The following FAT3 variants were observed in gnomAD, a reference collection of about 807,000 sequenced individuals.
FAT3 encodes FAT atypical cadherin 3.
FAT3 carries 95 observed loss-of-function variants against 310.2 expected under a neutral mutation model. The ratio of observed to expected loss-of-function variants is 0.31; its 90% CI spans 0.26 to 0.36. The LOEUF (loss-of-function observed/expected upper bound fraction) is 0.36. Ranked by LOEUF, FAT3 falls within the 10% of genes least tolerant of loss-of-function variation. FAT3 has a pLI of 1.00. For synonymous variants in FAT3, 2,314 were observed against 2,192.9 expected (o/e 1.06, Z -1.54); for missense variants, 5,408 against 5,715.6 (o/e 0.95, Z 1.74).
chr11:92,370,811 C>G (rs954981930), intron 2 of FAT3, among the ~76,000 whole-genome samples: 2 of 152,118 alleles, frequency 1.3e-5, no homozygotes, highest in Admixed American at 6.6e-5. Context: ...TATGCTAACT[C>G]AAAATTCTGT....
At chr11:92,489,195 C>T (rs1248075347) in intron 2 of FAT3, among the ~76,000 whole-genome samples, 1 of 152,030 alleles carries the variant, frequency 6.6e-6, no homozygotes, top group East Asian at 1.9e-4. Context: ...TGATAAATTC[C>T]ATGAGAATGA....
At chr11:92,853,635 T>C (rs1341057337) in intron 19 of FAT3, among the ~76,000 whole-genome samples, 1 of 152,122 alleles carries the variant, frequency 6.6e-6, no homozygotes, top group Non-Finnish European at 1.5e-5. Flanking sequence ...AGAACAGCTC[T>C]CAGGAGCCCC....
chr11:92,760,084 A>G lies in FAT3; in HGVS notation c.3670-1772A>G, dbSNP rs551286566. ...CAGAATGTGCCTCTTCAGAACTGGC[A>G]TGTCAAGGAATTAGCTCAAGAGTCA... On this transcript the variant is annotated intron_variant, in intron 4 of 27. Transcript: ENST00000525166. Among the ~76,000 whole-genome samples the G allele has an allele frequency of 1.0e-3, 155 of 152,312 alleles. 1 individual carries two copies. The highest frequency in any genetic ancestry group is 3.6e-3 in the African/African-American group (149 of 41,574).
At chr11:92,629,061 C>T (rs372709813) in intron 3 of FAT3, among the ~76,000 whole-genome samples, 2 of 152,210 alleles carry the variant, frequency 1.3e-5, no homozygotes, top group African/African-American at 4.8e-5. Context: ...ATGATTAAAA[C>T]AGTGACAAGA....
intron 2 of FAT3, among the ~76,000 whole-genome samples, chr11:92,438,780 G>T (rs2135063352): frequency 6.6e-6 from 1 of 152,258 alleles, no homozygotes; most frequent in African/African-American, 2.4e-5. Flanking sequence ...TATTTACAAT[G>T]TTTTATCCCC....
intron 2 of FAT3, among the ~76,000 whole-genome samples, chr11:92,401,688 GTAA>G (rs1047151228): frequency 3.5e-4 from 53 of 152,120 alleles, no homozygotes; most frequent in African/African-American, 1.2e-3. Context: ...CAAGGCTCCA[GTAA>G]TAATAATAGG....
chr11:92,753,798 G>GTGTGTGTGTGTATATATATACACACCATA, intron 4 of FAT3, among the ~76,000 whole-genome samples: 3 of 119,116 alleles, frequency 2.5e-5, no homozygotes, highest in African/African-American at 3.9e-5. Context: ...GTGTGTGTGT[G>GTGTGTGTGTGTATATATATACACACCATA]TATATATATA....
chr11:92,243,327 A>C (rs1864743877), intron 1 of FAT3, among the ~76,000 whole-genome samples: 1 of 152,050 alleles, frequency 6.6e-6, no homozygotes, highest in Admixed American at 6.6e-5. Flanking sequence ...CCATTACCAC[A>C]GATGATTCAA....
At chr11:92,456,300 T>C (rs974548346) in intron 2 of FAT3, among the ~76,000 whole-genome samples, 15 of 152,202 alleles carry the variant, frequency 9.9e-5, no homozygotes, top group African/African-American at 3.6e-4. Context: ...ATAATATTAT[T>C]ACTTATGGAG....
At chr11:92,433,291 C>A (rs1365247480) in intron 2 of FAT3, among the ~76,000 whole-genome samples, 3 of 152,146 alleles carry the variant, frequency 2.0e-5, no homozygotes, top group African/African-American at 7.2e-5. Context: ...TGAAAAAAAA[C>A]TCCTGCTGCT....
chr11:92,814,550 C>T (rs528142944), intron 13 of FAT3, among the ~76,000 whole-genome samples: 18 of 152,166 alleles, frequency 1.2e-4, no homozygotes, highest in Admixed American at 9.2e-4. Context: ...ATATCTTTGC[C>T]CCCATAAACT....
chr11:92,334,276 G>A (rs1012885132), intron 1 of FAT3, among the ~76,000 whole-genome samples: 2 of 152,074 alleles, frequency 1.3e-5, no homozygotes, highest in Non-Finnish European at 2.9e-5. Context: ...CTCAGGAGGT[G>A]GAGGTGGGAG....
chr11:92,312,426 G>A (rs906403662), intron 1 of FAT3, among the ~76,000 whole-genome samples: 1 of 152,108 alleles, frequency 6.6e-6, no homozygotes, highest in Non-Finnish European at 1.5e-5. Flanking sequence ...AAGGAAAATG[G>A]GGCTTCTTTT....
intron 2 of FAT3, among the ~76,000 whole-genome samples, chr11:92,435,468 A>ATCCCTTCCT (rs753940306): frequency 9.3e-6 from 1 of 107,986 alleles, no homozygotes; most frequent in East Asian, 2.9e-4. Flanking sequence ...TCTTTTATTT[A>ATCCCTTCCT]TCCTTCCTTC....
chr11:92,353,279 C>G lies in FAT3; in HGVS notation c.1167C>G (p.Ser389=), dbSNP rs774616776. Residue 389 remains serine (S), a synonymous_variant, in exon 2 of 28, where the codon TCC becomes TCG. Coordinates refer to ENST00000525166, the MANE Select transcript of FAT3 (RefSeq NM_001367949.2). The part of the protein sequence containing the change: ...EVYDVSISEF[S]PPGVVVAIVK... ...ACGATGTGAGCATAAGTGAATTTTC[C>G]CCTCCTGGTGTCGTGGTTGCTATAG... 1.9e-6 allele frequency: 3 copies of G among 1,613,574 alleles called. No individual in the cohort carries two copies. The South Asian group carries it at 3.3e-5, about 18-fold the overall frequency.
At chr11:92,596,624 A>T (rs2135574696) in intron 3 of FAT3, among the ~76,000 whole-genome samples, 1 of 152,322 alleles carries the variant, frequency 6.6e-6, no homozygotes, top group Non-Finnish European at 1.5e-5. Context: ...AGCAGATAGC[A>T]GGCTCATTGT....
intron 19 of FAT3, among the ~76,000 whole-genome samples, chr11:92,850,923 G>C (rs1186840632): frequency 1.3e-5 from 2 of 152,162 alleles, no homozygotes; most frequent in African/African-American, 4.8e-5. Context: ...TGAATTGCCT[G>C]TTGTCACCTC....
intron 2 of FAT3, among the ~76,000 whole-genome samples, chr11:92,503,739 T>C (rs1451214085): frequency 6.6e-6 from 1 of 152,176 alleles, no homozygotes; most frequent in Admixed American, 6.6e-5. Flanking sequence ...ACATGTCTGG[T>C]CTATTACATT....
chr11:92,236,302 A>G (rs1285906642), intron 1 of FAT3, among the ~76,000 whole-genome samples: 2 of 152,188 alleles, frequency 1.3e-5, no homozygotes, highest in South Asian at 2.1e-4. Flanking sequence ...ATGCTTGTCT[A>G]TGTAAAGCGA....
Sources: allele counts gnomAD v4.1 joint callset (sites outside exome capture counted in the v4.1 genomes callset), GRCh38; gene constraint gnomAD v4.1.1; transcripts MANE v1.5; gene names NCBI Gene and HGNC (gene_info 2026-07-23, HGNC 2026-07-21).